The following PPEF1 variants were observed in gnomAD, a reference collection of about 807,000 sequenced individuals.
The protein encoded by PPEF1 is protein phosphatase with EF-hand domain 1, also known as serine/threonine-protein phosphatase with EF-hands 1.
Under a neutral mutation model 53.3 loss-of-function variants are expected in PPEF1, and 12 were observed. That is an observed-to-expected ratio of 0.23 (90% CI 0.14 to 0.36). PPEF1 has a LOEUF of 0.36. Among genes scored for constraint, PPEF1 ranks in the 10% least tolerant of loss-of-function variants. PPEF1 has a pLI of 1.00. For missense variants in PPEF1, 334 were observed against 490.4 expected (o/e 0.68, Z 3.01); for synonymous variants, 165 against 176.7 (o/e 0.93, Z 0.52).
At chrX:18,811,619 T>A (rs76110242) in intron 12 of PPEF1, among the ~76,000 whole-genome samples, 86 of 23,887 alleles carry the variant, frequency 3.6e-3, no homozygotes, top group African/African-American at 0.015. Flanking sequence ...ATATATATTT[T>A]TTTTTTTTTT....
At chrX:18,763,501 T>C (rs1438904059) in intron 6 of PPEF1, among the ~76,000 whole-genome samples, 1 of 110,910 alleles carries the variant, frequency 9.0e-6, no homozygotes, top group East Asian at 2.8e-4. Flanking sequence ...GAGACAGTTG[T>C]TATGGAGGCC....
chrX:18,817,307 T>C (rs1488073200), intron 12 of PPEF1, among the ~76,000 whole-genome samples: 1 of 110,918 alleles, frequency 9.0e-6, no homozygotes, highest in Non-Finnish European at 1.9e-5. Flanking sequence ...TACCTCTGTA[T>C]TATATATATT....
intron 11 of PPEF1, among the ~76,000 whole-genome samples, chrX:18,805,917 G>A (rs1196453322): frequency 4.6e-5 from 5 of 107,847 alleles, no homozygotes; most frequent in Admixed American, 3.1e-4. Flanking sequence ...GACAGTGGTC[G>A]TGGTCCCTTA....
At chrX:18,775,211 CTTTTTTTTTTT>C (rs765208120) in intron 6 of PPEF1, among the ~76,000 whole-genome samples, 1 of 50,166 alleles carries the variant, frequency 2.0e-5, no homozygotes, top group African/African-American at 8.9e-5. Flanking sequence ...TAACCCATTG[CTTTTTTTTTTT>C]TTTTTTTTTT....
At chrX:18,743,446 C>CTTTTTTT (rs72264344) in intron 3 of PPEF1, among the ~76,000 whole-genome samples, 136 of 59,248 alleles carry the variant, frequency 2.3e-3, no homozygotes, top group Non-Finnish European at 2.7e-3. Context: ...TTCTCTTTTT[C>CTTTTTTT]TTTTTTTTTT....
At chrX:18,684,143 C>T (rs972725275) in intron 1 of PPEF1, among the ~76,000 whole-genome samples, 10 of 111,838 alleles carry the variant, frequency 8.9e-5, no homozygotes, top group African/African-American at 3.3e-4. Flanking sequence ...TATCACATGC[C>T]TGCAATATGT....
rs950993691 is a variant in PPEF1 at position 18,787,029 on chromosome X, T to G, written c.913-2092T>G. ...TGGCTTTAAAGATAGAAATTCAACT[T>G]GTATATTGTTTGTGTCTTCTACCCT... On this transcript the variant is annotated intron_variant, in intron 9 of 15. Coordinates refer to ENST00000470157, the MANE Select transcript of PPEF1 (RefSeq NM_001377996.1). 2.7e-5 allele frequency among the ~76,000 whole-genome samples: 3 copies of G among 111,264 alleles called. No homozygotes were observed. The East Asian group carries it at 8.4e-4, about 31-fold the overall frequency.
chrX:18,767,331 G>A (rs746214423), intron 6 of PPEF1, among the ~76,000 whole-genome samples: 1 of 111,892 alleles, frequency 8.9e-6, no homozygotes, highest in East Asian at 2.8e-4. Flanking sequence ...TGGATCATGA[G>A]GTCAGGAGTT....
intron 6 of PPEF1, among the ~76,000 whole-genome samples, chrX:18,762,308 G>A (rs2045683406): frequency 9.0e-6 from 1 of 111,731 alleles, no homozygotes; most frequent in Non-Finnish European, 1.9e-5. Flanking sequence ...GTCTCTTTTT[G>A]ATTAATGCAT....
intron 3 of PPEF1, among the ~76,000 whole-genome samples, chrX:18,747,256 C>T (rs2045349539): frequency 9.0e-6 from 1 of 110,798 alleles, no homozygotes; most frequent in South Asian, 3.9e-4. Context: ...AATTGTGTTA[C>T]AGAGTCTGAA....
chrX:18,821,367 T>C (rs1307638249), intron 13 of PPEF1, among the ~76,000 whole-genome samples: 1 of 111,027 alleles, frequency 9.0e-6, no homozygotes, highest in African/African-American at 3.3e-5. Context: ...TAACCTTAAA[T>C]GTAAAAGATA....
At chrX:18,682,718 G>A (rs747287017), upstream of PPEF1, among the ~76,000 whole-genome samples, 1 of 112,151 alleles carries the variant, frequency 8.9e-6, no homozygotes, top group Non-Finnish European at 1.9e-5. Flanking sequence ...ATGGATGAGC[G>A]TTGGCACAGT....
At chrX:18,783,844 T>C in intron 8 of PPEF1, 55 bp from the exon 9 acceptor site, 1 of 1,125,526 alleles carries the variant, frequency 8.9e-7, no homozygotes, top group Non-Finnish European at 1.2e-6. Flanking sequence ...TTGGGGACTA[T>C]TCAATAAACT....
chrX:18,684,792 G>A (rs1644198143), intron 2 of PPEF1, among the ~76,000 whole-genome samples: 1 of 110,721 alleles, frequency 9.0e-6, no homozygotes, highest in African/African-American at 3.3e-5. Flanking sequence ...ACGCCTTGCT[G>A]ATTTTTGTAT....
intron 3 of PPEF1, among the ~76,000 whole-genome samples, chrX:18,746,469 G>A (rs1347728515): frequency 9.0e-6 from 1 of 111,584 alleles, no homozygotes; most frequent in Admixed American, 9.6e-5. Flanking sequence ...TGAACTTTTA[G>A]GCAATGATGG....
At chrX:18,767,217 G>C (rs181787840) in intron 6 of PPEF1, among the ~76,000 whole-genome samples, 114 of 111,638 alleles carry the variant, frequency 1.0e-3, no homozygotes, top group African/African-American at 3.5e-3. Context: ...AGCCTGCAAG[G>C]CCAAGAGAGT....
intron 13 of PPEF1, among the ~76,000 whole-genome samples, chrX:18,822,973 T>C (rs111901974): frequency 1.4e-4 from 16 of 111,544 alleles, no homozygotes; most frequent in African/African-American, 5.2e-4. Flanking sequence ...TGGGAAGACT[T>C]TCCCTATTAT....
chrX:18,723,292 G>T (rs1229401828), intron 1 of PPEF1, among the ~76,000 whole-genome samples: 1 of 111,808 alleles, frequency 8.9e-6, no homozygotes, highest in Non-Finnish European at 1.9e-5. Context: ...GTCATAATTT[G>T]TGAAATTTCT....
intron 3 of PPEF1, among the ~76,000 whole-genome samples, chrX:18,746,650 G>A (rs757930185): frequency 1.1e-4 from 12 of 112,085 alleles, no homozygotes; most frequent in Non-Finnish European, 1.9e-4. Flanking sequence ...TGACAGCATG[G>A]GTGGAGGCAG....
Sources: allele counts gnomAD v4.1 joint callset (sites outside exome capture counted in the v4.1 genomes callset), GRCh38; gene constraint gnomAD v4.1.1; transcripts MANE v1.5; gene names NCBI Gene and HGNC (gene_info 2026-07-23, HGNC 2026-07-21).